PKIG: variants seen among roughly 807,000 people sequenced by gnomAD.
PKIG encodes the protein protein kinase (cAMP-dependent, catalytic) inhibitor gamma.
PKIG carries 1 observed loss-of-function variant against 6.8 expected under a neutral mutation model. That is an observed-to-expected ratio of 0.15 (90% confidence interval 0.05 to 0.69). PKIG has a LOEUF of 0.69. Among genes scored for constraint, PKIG ranks in the 30% least tolerant of loss-of-function variants. The pLI is 0.82. For synonymous variants in PKIG, 39 were observed against 43.0 expected, an observed-to-expected ratio of 0.91 and a Z score of 0.36; for missense variants, 77 against 104.0, an observed-to-expected ratio of 0.74 and a Z score of 1.13.
chr20:44,532,033 A>T (rs2064470512), intron 1 of PKIG: 1 of 152,156 alleles, frequency 6.6e-6, no homozygotes, highest in African/African-American at 2.4e-5. Context: ...CCTGGCGTCG[A>T]CACGTCGCAG....
At chr20:44,611,045 A>C in intron 2 of PKIG, among the ~76,000 whole-genome samples, 1 of 150,396 alleles carries the variant, frequency 6.6e-6, no homozygotes, top group South Asian at 2.1e-4. Flanking sequence ...TTTGTAATAT[A>C]GAATGCCTTT....
upstream of PKIG, among the ~76,000 whole-genome samples, chr20:44,582,318 A>G (rs2064955268): frequency 6.6e-6 from 1 of 152,172 alleles, no homozygotes; most frequent in Admixed American, 6.5e-5. Flanking sequence ...CAGTGAGTGG[A>G]TAGGAAGCCT....
At chr20:44,535,692 A>C (rs565245206) in intron 1 of PKIG, among the ~76,000 whole-genome samples, 1 of 152,220 alleles carries the variant, frequency 6.6e-6, no homozygotes, top group Non-Finnish European at 1.5e-5. Flanking sequence ...AGATGTTTAC[A>C]TTATGTGGTT....
rs150233123 is a variant in PKIG, at chr20:44,571,004, C to T, written c.-240-11581C>T. 1.4e-4 allele frequency among the ~76,000 whole-genome samples: 22 copies of T among 152,158 alleles called. No homozygotes were observed. In the East Asian group the frequency reaches 4.1e-3, roughly 28 times the overall value. ...ATTCCAGCACTTTGGGAGGCCGAGG[C>T]GAGTGGATCACTTGAAGCCAGGAGT... On this transcript the variant is annotated intron_variant, in intron 1 of 4. Coordinates refer to the PKIG transcript ENST00000372887.
At chr20:44,567,341 A>C (rs965107814) in intron 1 of PKIG, among the ~76,000 whole-genome samples, 13 of 152,214 alleles carry the variant, frequency 8.5e-5, no homozygotes, top group Non-Finnish European at 1.8e-4. Context: ...TTGTCTCACC[A>C]AAGCTCCTTG....
At chr20:44,580,458 G>A (rs1453176879), upstream of PKIG, among the ~76,000 whole-genome samples, 1 of 151,938 alleles carries the variant, frequency 6.6e-6, no homozygotes, top group South Asian at 2.1e-4. Flanking sequence ...CAATTCTTCT[G>A]TCTCAGCCTC....
intron 1 of PKIG, among the ~76,000 whole-genome samples, chr20:44,583,933 G>A (rs1435321847): frequency 6.6e-6 from 1 of 152,116 alleles, no homozygotes; most frequent in East Asian, 1.9e-4. Flanking sequence ...GTTTTTATGG[G>A]TCTTTTTCAG....
At chr20:44,608,114 G>A (rs1479681224) in intron 2 of PKIG, among the ~76,000 whole-genome samples, 1 of 152,196 alleles carries the variant, frequency 6.6e-6, no homozygotes, top group Non-Finnish European at 1.5e-5. Context: ...AGGGTGTCTG[G>A]ATCGGATGGG....
intron 1 of PKIG, among the ~76,000 whole-genome samples, chr20:44,587,089 C>A (rs950446063): frequency 6.6e-6 from 1 of 152,148 alleles, no homozygotes; most frequent in Non-Finnish European, 1.5e-5. Flanking sequence ...CATAAATGTA[C>A]ATTGAGGACC....
At chr20:44,579,362 C>T (rs1233213069), upstream of PKIG, among the ~76,000 whole-genome samples, 1 of 152,216 alleles carries the variant, frequency 6.6e-6, no homozygotes, top group Admixed American at 6.5e-5. Context: ...ATGCTGCTGT[C>T]TGTGAAAAAC....
chr20:44,575,080 C>G, intron 1 of PKIG, among the ~76,000 whole-genome samples: 1 of 151,622 alleles, frequency 6.6e-6, no homozygotes, highest in East Asian at 2.0e-4. Flanking sequence ...TTGAGACAGT[C>G]TCGCTCTATT....
intron 2 of PKIG, among the ~76,000 whole-genome samples, chr20:44,610,694 C>T (rs1456198514): frequency 6.6e-6 from 1 of 152,152 alleles, no homozygotes; most frequent in Admixed American, 6.5e-5. Flanking sequence ...CACAAAGAAC[C>T]ACAGTTGACA....
At chr20:44,596,365 C>T (rs1293527381) in intron 2 of PKIG, among the ~76,000 whole-genome samples, 1 of 152,232 alleles carries the variant, frequency 6.6e-6, no homozygotes, top group African/African-American at 2.4e-5. Flanking sequence ...GCCTACGCCC[C>T]AGGCTGCCAG....
At chr20:44,535,058 A>G (rs765877112) in intron 1 of PKIG, among the ~76,000 whole-genome samples, 1 of 152,250 alleles carries the variant, frequency 6.6e-6, no homozygotes, top group Non-Finnish European at 1.5e-5. Flanking sequence ...AAGATAGACA[A>G]AAAGCAATAG....
chr20:44,607,314 GGT>G (rs11472265), intron 2 of PKIG, among the ~76,000 whole-genome samples: 43 of 147,562 alleles, frequency 2.9e-4, no homozygotes, highest in East Asian at 3.9e-4. Context: ...TTGTTTCCAA[GGT>G]GTGTGTGTGT....
At chr20:44,584,023 T>G (rs2064969415) in intron 1 of PKIG, among the ~76,000 whole-genome samples, 2 of 152,142 alleles carry the variant, frequency 1.3e-5, no homozygotes, top group Non-Finnish European at 2.9e-5. Flanking sequence ...GCACATACAC[T>G]TGGGGAGAGA....
At chr20:44,554,653 T>C (rs535281032) in intron 1 of PKIG, among the ~76,000 whole-genome samples, 2 of 152,020 alleles carry the variant, frequency 1.3e-5, no homozygotes, top group African/African-American at 4.8e-5. Flanking sequence ...AGCTTCCAGC[T>C]TGGGGGCAAA....
At chr20:44,546,942 A>T (rs1294388486) in intron 1 of PKIG, among the ~76,000 whole-genome samples, 1 of 152,194 alleles carries the variant, frequency 6.6e-6, no homozygotes, top group Non-Finnish European at 1.5e-5. Context: ...TCTTTTTCCA[A>T]ATCACATAGC....
At chr20:44,558,628 T>C (rs777576857) in intron 1 of PKIG, among the ~76,000 whole-genome samples, 28 of 105,292 alleles carry the variant, frequency 2.7e-4, no homozygotes, top group African/African-American at 1.1e-3. Flanking sequence ...TTCTTTCTTT[T>C]TCATTCTTTC....
Sources: gnomAD v4.1 joint callset for allele counts (sites outside exome capture counted in the v4.1 genomes callset) on GRCh38, gnomAD v4.1.1 for gene constraint, MANE v1.5 for transcripts, NCBI Gene and HGNC (gene_info 2026-07-23, HGNC 2026-07-21) for gene names.